Variants in MPP2 observed in about 807,000 individuals in gnomAD.
MPP2 encodes the protein MAGUK p55 subfamily member 2.
Under a neutral mutation model 58.5 loss-of-function variants are expected in MPP2, and 42 were observed. The ratio of observed to expected loss-of-function variants is 0.72; its 90% CI spans 0.56 to 0.93. The LOEUF (loss-of-function observed/expected upper bound fraction) is 0.93. Among genes scored for constraint, MPP2 ranks in the 40% least tolerant of loss-of-function variants. The probability of loss-of-function intolerance (pLI) is 0.00; values close to 1 mark genes in which losing one functional copy is unlikely to be tolerated. For synonymous variants in MPP2, 300 were observed against 307.8 expected (o/e 0.97, Z 0.26); for missense variants, 632 against 760.4 (o/e 0.83, Z 1.99).
chr17:43,894,104 C>T (rs1266218742), intron 3 of MPP2, among the ~76,000 whole-genome samples: 1 of 144,506 alleles, frequency 6.9e-6, no homozygotes, highest in Non-Finnish European at 1.5e-5. Flanking sequence ...GAAACCCTGT[C>T]TCTACTAAAA....
intron 12 of MPP2, among the ~76,000 whole-genome samples, chr17:43,878,882 G>A (rs1388589383): frequency 2.0e-5 from 3 of 152,190 alleles, no homozygotes; most frequent in South Asian, 4.1e-4. Flanking sequence ...CAGCCTTCCC[G>A]CCTCTGGCTT....
intron 1 of MPP2, among the ~76,000 whole-genome samples, chr17:43,905,195 A>T (rs231483): frequency 0.43 from 65,799 of 151,756 alleles, 15,036 homozygotes; most frequent in East Asian, 0.67. Context: ...AAAGTCATTT[A>T]AAAAATAATA....
intron 3 of MPP2, chr17:43,884,060 T>C: frequency 1.4e-6 from 1 of 699,876 alleles, no homozygotes; most frequent in Non-Finnish European, 2.6e-6. Flanking sequence ...GAAAGATCAT[T>C]GCAGACAACA....
Position 43,876,638 on chromosome 17 carries a change from G to GACACACACACACACACAC in MPP2, c.*1151_*1168dup, listed in dbSNP as rs112263548. ...TTTGCTTCCTCCCCAAATTAAACCT[G>GACACACACACACACACAC]ACACACACACACACACACGCACGTG... On this transcript the variant is annotated 3_prime_UTR_variant, in exon 13 of 13. Coordinates refer to ENST00000269095, the MANE Select transcript of MPP2 (RefSeq NM_005374.5). The GACACACACACACACACAC allele has an allele frequency of 2.2e-5, 3 of 134,564 alleles. No individual in the cohort carries two copies. The highest frequency in any genetic ancestry group is 7.9e-5 in the African/African-American group (3 of 37,914). The allele number at this position is 134,564 out of a possible 1,614,324, so 8.3% of individuals were successfully genotyped here.
intron 2 of MPP2, chr17:43,901,136 A>G: frequency 2.4e-6 from 1 of 415,766 alleles, no homozygotes; most frequent in African/African-American, 2.2e-5. Context: ...TCAGCCCTCC[A>G]CCGGGAGGCA....
intron 2 of MPP2, among the ~76,000 whole-genome samples, chr17:43,902,297 G>A (rs866318113): frequency 9.3e-5 from 14 of 150,000 alleles, no homozygotes; most frequent in African/African-American, 1.7e-4. Flanking sequence ...CCCCCACCAC[G>A]CCCCCATCAA....
At position 43,879,802 on chromosome 17, in the gene MPP2, C is replaced by A; in HGVS notation, c.1333G>T (p.Val445Leu). The change falls in exon 11 of 13, where the codon GTG becomes TTG. Residue 445 changes from valine to leucine, a missense_variant. Transcript: ENST00000269095. The surrounding 1 kb of genome is among the most constrained non-coding windows in gnomAD (Gnocchi z 4.1). ...GGTACCTGGGGGTTGACATCCAGCA[C>A]GCACACCTTCCCAGCAGCGACCACG... is the stretch of plus-strand genomic sequence containing the variant. ...RGVVAAGKVC[V>L]LDVNPQAVKV... 1.2e-6 allele frequency: 2 copies of A among 1,613,636 alleles called. No individual in the cohort carries two copies. Among genetic ancestry groups the A allele is most frequent in the Non-Finnish European group, 1.7e-6 (2 of 1,179,868 alleles).
At chr17:43,882,867 T>G in intron 5 of MPP2, 36 bp downstream of exon 5, 1 of 1,612,106 alleles carries the variant, frequency 6.2e-7, no homozygotes, top group East Asian at 2.2e-5. Flanking sequence ...CCCCCCACCC[T>G]CACCAGCACC....
chr17:43,882,569 A>T, intron 5 of MPP2, 58 bp from the exon 6 acceptor site: 3 of 1,523,118 alleles, frequency 2.0e-6, no homozygotes, highest in South Asian at 2.4e-5. Context: ...AGAATCTTCA[A>T]ATAGTCTCCT....
In MPP2 at chr17:43,881,103, G is replaced by A; in HGVS notation, c.975C>T (p.Thr325=). The change falls in exon 9 of 13, where the codon ACC becomes ACT. Residue 325 remains threonine, a synonymous_variant. Transcript: ENST00000269095. ...TCTGATACCCACCTGCATTCTTGGTGGTCAAATACATCATTCGCTTCTTTT... is the reference window on the plus strand; with the variant it reads ...TCTGATACCCACCTGCATTCTTGGTAGTCAAATACATCATTCGCTTCTTTT... The part of the protein sequence containing the change: ...GKKKKRMMYL[T]TKNAEFDRHE... 6.2e-7 allele frequency: 1 copy of A among 1,614,024 alleles called. No homozygotes were observed. Among genetic ancestry groups the A allele is most frequent in the Non-Finnish European group, 8.5e-7 (1 of 1,179,998 alleles).
rs113601206 is a variant in MPP2 at position 43,898,387 on chromosome 17, G to A, written c.32-7C>T. 1.6e-5 allele frequency: 25 copies of A among 1,606,244 alleles called. No homozygotes were observed. The African/African-American group carries it at 2.4e-4, about 15-fold the overall frequency. ...TCCAGGACTTGCTGCATGGCTGGGG[G>A]AAGGTACGGGCAGTGAGATACACAG... On this transcript the variant is annotated splice_region_variant and splice_polypyrimidine_tract_variant and intron_variant, in intron 2 of 12. Transcript: ENST00000269095.
chr17:43,908,746 G>T (rs1475623753), upstream of MPP2, among the ~76,000 whole-genome samples: 1 of 152,172 alleles, frequency 6.6e-6, no homozygotes. Flanking sequence ...TTACATTCTG[G>T]AAACTTGCTT....
chr17:43,896,156 A>C, intron 3 of MPP2, among the ~76,000 whole-genome samples: 1 of 151,632 alleles, frequency 6.6e-6, no homozygotes, highest in African/African-American at 2.4e-5. Context: ...CTTTCTCCCT[A>C]CCCTTGCTGT....
intron 12 of MPP2, 152 bp from the exon 13 acceptor site, chr17:43,878,135 CCTCAAAGTGG>C (rs1459819048): frequency 4.3e-6 from 3 of 704,606 alleles, no homozygotes; most frequent in Non-Finnish European, 6.9e-6. Flanking sequence ...TCTCTGCGTG[CCTCAAAGTGG>C]CTCACCATCA....
intron 3 of MPP2, among the ~76,000 whole-genome samples, 186 bp from the exon 4 acceptor site, chr17:43,883,541 C>T (rs951156127): frequency 1.3e-5 from 2 of 151,604 alleles, no homozygotes; most frequent in Non-Finnish European, 2.9e-5. Context: ...TCCTTTCTTC[C>T]CCAAAATTAC....
Position 43,898,285 on chromosome 17 carries a change from G to T in MPP2, c.127C>A (p.Pro43Thr). 1.2e-6 allele frequency: 2 copies of T among 1,614,126 alleles called. No homozygotes were observed. Among genetic ancestry groups the T allele is most frequent in the Non-Finnish European group, 1.7e-6 (2 of 1,179,976 alleles). ...LIFLRGIMES[P>T]IVRSLAKAHE... ...ACCTTGGCCAGGGATCTTACTATGG[G>T]ACTTTCCATAATGCCTCGAAGGAAG... is the stretch of plus-strand genomic sequence containing the variant. The change falls in exon 3 of 13, where the codon CCC becomes ACC. Residue 43 changes from proline (P) to threonine (T), a missense_variant. Pro to Thr is a conservative substitution (Grantham distance 38). Transcript: ENST00000269095.
At position 43,895,887 on chromosome 17, in the gene MPP2, G is replaced by A. The variant is rs139474779; in HGVS notation, c.150+2375C>T. ...GCCTTTCTCCAATCTCCTCCAATCT[G>A]CTCAGTTTTCTCTTCCCCAGAACTT... On this transcript the variant is annotated intron_variant, in intron 3 of 12. Transcript: ENST00000269095. Among the ~76,000 whole-genome samples the A allele has an allele frequency of 2.6e-5, 4 of 152,238 alleles. No homozygotes were observed. The East Asian group carries it at 7.7e-4, about 29-fold the overall frequency.
rs1347311321 is a variant in MPP2 at position 43,879,202 on chromosome 17, C to T, written c.1482+73G>A. 2 of 1,532,492 alleles carry T rather than the reference C, an allele frequency of 1.3e-6. No homozygotes were observed. The highest frequency in any genetic ancestry group is 4.6e-5 in the East Asian group (2 of 43,910). The allele number at this position is 1,532,492 out of a possible 1,614,324, so 94.9% of individuals were successfully genotyped here. On this transcript the variant is annotated intron_variant, in intron 12 of 12. Coordinates refer to ENST00000269095, the MANE Select transcript of MPP2 (RefSeq NM_005374.5). This position sits in a 1 kb window ranked among gnomAD's most constrained non-coding sequence, Gnocchi z 4.1. ...CCTCCCCAACACCACCTCCTTCTCT[C>T]TGTCAGCTCAGGCCTGTCCCCCACC...
intron 2 of MPP2, among the ~76,000 whole-genome samples, chr17:43,903,054 G>A (rs960070984): frequency 6.6e-6 from 1 of 152,212 alleles, no homozygotes; most frequent in East Asian, 1.9e-4. Context: ...GGGAGGCCAA[G>A]GCAGGTGGAT....
Sources: allele counts gnomAD v4.1 joint callset (sites outside exome capture counted in the v4.1 genomes callset), GRCh38; gene constraint gnomAD v4.1.1; non-coding constraint Gnocchi (gnomAD v3.1); transcripts MANE v1.5; gene names NCBI Gene and HGNC (gene_info 2026-07-23, HGNC 2026-07-21).